RBFOX1: variants seen among roughly 807,000 people sequenced by gnomAD.
The protein encoded by RBFOX1 is RNA binding fox-1 homolog 1, also known as RNA binding protein fox-1 homolog 1.
A neutral mutation model predicts 57.7 loss-of-function variants in RBFOX1; 8 were observed. The observed-to-expected ratio is 0.14, with a 90% CI of 0.08 to 0.25. The LOEUF (loss-of-function observed/expected upper bound fraction) is 0.25, where lower values mean the gene tolerates loss of function less well. RBFOX1 is among the 10% of genes least tolerant of loss of function. RBFOX1 has a pLI of 1.00. For synonymous variants in RBFOX1, 326 were observed against 222.4 expected (o/e 1.47, Z -4.15); for missense variants, 611 against 548.5 (o/e 1.11, Z -1.14).
intron 3 of RBFOX1, among the ~76,000 whole-genome samples, chr16:5,824,107 T>G (rs1002018048): frequency 6.6e-6 from 1 of 152,204 alleles, no homozygotes; most frequent in Non-Finnish European, 1.5e-5. Context: ...GCTTCACCTC[T>G]CTGGGCCTGG....
At chr16:5,444,855 T>C (rs2068194211) in intron 1 of RBFOX1, among the ~76,000 whole-genome samples, 1 of 152,226 alleles carries the variant, frequency 6.6e-6, no homozygotes, top group African/African-American at 2.4e-5. Flanking sequence ...GATAGCTGAA[T>C]ATCAGCACTT....
At chr16:7,458,857 A>G (rs1043679240) in intron 4 of RBFOX1, among the ~76,000 whole-genome samples, 4 of 151,986 alleles carry the variant, frequency 2.6e-5, no homozygotes, top group Admixed American at 6.6e-5. Context: ...TTGACATACT[A>G]TGTATTTTAT....
intron 4 of RBFOX1, among the ~76,000 whole-genome samples, chr16:7,058,690 G>T (rs748713091): frequency 4.0e-5 from 6 of 151,598 alleles, no homozygotes; most frequent in African/African-American, 7.3e-5. Context: ...AATAAAAAAG[G>T]TTCTTAATTA....
intron 1 of RBFOX1, among the ~76,000 whole-genome samples, chr16:6,188,080 G>A (rs956521407): frequency 2.6e-4 from 40 of 152,126 alleles, no homozygotes; most frequent in Non-Finnish European, 5.4e-4. Context: ...TTCTGGCTTT[G>A]TGGGATCCAC....
chr16:5,713,162 C>T (rs2151512697), intron 3 of RBFOX1, among the ~76,000 whole-genome samples: 1 of 152,284 alleles, frequency 6.6e-6, no homozygotes, highest in Middle Eastern at 3.4e-3. Flanking sequence ...ATTTCTTGTT[C>T]TGTGTAATCA....
intron 4 of RBFOX1, among the ~76,000 whole-genome samples, chr16:5,870,389 A>AG (rs2057441630): frequency 1.3e-5 from 2 of 150,298 alleles, no homozygotes; most frequent in African/African-American, 2.4e-5. Context: ...AAAAAAAAAA[A>AG]AAATGAAGGC....
intron 1 of RBFOX1, among the ~76,000 whole-genome samples, chr16:5,462,363 T>C (rs969097198): frequency 2.6e-5 from 4 of 151,856 alleles, no homozygotes; most frequent in African/African-American, 9.7e-5. Context: ...AGAGACGGGG[T>C]TTCACCGTGT....
intron 2 of RBFOX1, among the ~76,000 whole-genome samples, chr16:6,621,574 C>A (rs1390018926): frequency 2.0e-5 from 3 of 152,040 alleles, no homozygotes; most frequent in East Asian, 3.9e-4. Flanking sequence ...CCCCTTTTTT[C>A]CAAATAAGGT....
rs151230498 is a variant in RBFOX1 at position 6,253,038 on chromosome 16, A to C, written c.-126-63957A>C. Among the ~76,000 whole-genome samples, 102 of 152,268 alleles carry C rather than the reference A, an allele frequency of 6.7e-4. 1 individual carries two copies. Among genetic ancestry groups the C allele is most frequent in the African/African-American group, 2.4e-3 (101 of 41,556 alleles). On this transcript the variant is annotated intron_variant, in intron 1 of 15. Coordinates refer to ENST00000550418, the MANE Select transcript of RBFOX1 (RefSeq NM_018723.4). ...TCCACTTTTACAGATAAGGGTGCTG[A>C]ATCTCTGATTGTTGAAGGGACATAA...
intron 3 of RBFOX1, among the ~76,000 whole-genome samples, chr16:5,783,521 G>A (rs9938496): frequency 0.29 from 43,486 of 151,836 alleles, 6,594 homozygotes; most frequent in East Asian, 0.55. Context: ...CCCTCATCCC[G>A]TTATCCAGAC....
chr16:6,929,319 C>A (rs1221073823), intron 3 of RBFOX1, among the ~76,000 whole-genome samples: 1 of 152,064 alleles, frequency 6.6e-6, no homozygotes, highest in Non-Finnish European at 1.5e-5. Context: ...GAGGGGTTTA[C>A]CTTGTTTTTT....
intron 3 of RBFOX1, among the ~76,000 whole-genome samples, chr16:7,013,169 C>A (rs915333720): frequency 6.6e-5 from 10 of 152,162 alleles, no homozygotes; most frequent in Admixed American, 6.5e-5. Context: ...GTGTAATGCT[C>A]TGATACTCAT....
In RBFOX1 at chr16:6,915,421, G is replaced by A. The variant is rs137949298; in HGVS notation, c.-15-136636G>A. 2.4e-3 allele frequency among the ~76,000 whole-genome samples: 360 copies of A among 152,212 alleles called. 2 individuals carry two copies. Among genetic ancestry groups the A allele is most frequent in the Middle Eastern group, 3.4e-3 (1 of 294 alleles). ...CTTCTGAACTGTTTAATAAATCCAC[G>A]TAGCCCGTTTTCTTATTTCCTTGAT... On this transcript the variant is annotated intron_variant, in intron 3 of 15. Coordinates refer to ENST00000550418, the MANE Select transcript of RBFOX1 (RefSeq NM_018723.4).
chr16:6,381,117 A>C (rs2091768077), intron 2 of RBFOX1, among the ~76,000 whole-genome samples: 1 of 152,198 alleles, frequency 6.6e-6, no homozygotes, highest in South Asian at 2.1e-4. Context: ...ATGGGAGACA[A>C]AAGAATTTGT....
At chr16:5,978,715 A>G (rs1340090990) in intron 4 of RBFOX1, among the ~76,000 whole-genome samples, 1 of 149,336 alleles carries the variant, frequency 6.7e-6, no homozygotes, top group African/African-American at 2.5e-5. Flanking sequence ...TTAAATGATG[A>G]CAGTGTTGAG....
At chr16:7,451,621 C>G (rs1331980908) in intron 4 of RBFOX1, among the ~76,000 whole-genome samples, 1 of 152,146 alleles carries the variant, frequency 6.6e-6, no homozygotes, top group Non-Finnish European at 1.5e-5. Flanking sequence ...TTAGATTGGA[C>G]TATGCTAACA....
intron 3 of RBFOX1, among the ~76,000 whole-genome samples, chr16:6,850,858 C>T (rs548794446): frequency 6.6e-6 from 1 of 152,276 alleles, no homozygotes; most frequent in South Asian, 2.1e-4. Flanking sequence ...TATAATTGAG[C>T]AATTGCACAC....
intron 2 of RBFOX1, among the ~76,000 whole-genome samples, chr16:6,454,835 A>C: frequency 7.3e-6 from 1 of 136,696 alleles, no homozygotes; most frequent in Admixed American, 7.4e-5. Context: ...TTATTCTCTC[A>C]TACTCTATTT....
chr16:7,032,822 C>A (rs540427447), intron 3 of RBFOX1, among the ~76,000 whole-genome samples: 1 of 152,162 alleles, frequency 6.6e-6, no homozygotes, highest in Admixed American at 6.5e-5. Context: ...CGTTTGGTGT[C>A]TCCAGGCTCA....
Sources: gnomAD v4.1 joint callset for allele counts (sites outside exome capture counted in the v4.1 genomes callset) on GRCh38, gnomAD v4.1.1 for gene constraint, MANE v1.5 for transcripts, NCBI Gene and HGNC (gene_info 2026-07-23, HGNC 2026-07-21) for gene names.